PLA2G4A: variants seen among roughly 807,000 people sequenced by gnomAD.
PLA2G4A encodes the protein phospholipase A2 group IVA.
In PLA2G4A, 40 loss-of-function variants were observed where a neutral mutation model predicts 81.9. That is an observed-to-expected ratio of 0.49 (90% CI 0.38 to 0.64). The LOEUF is 0.64. PLA2G4A is among the 30% of genes least tolerant of loss of function. The probability of loss-of-function intolerance (pLI) is 0.00; values close to 1 mark genes in which losing one functional copy is unlikely to be tolerated. For synonymous variants in PLA2G4A, 302 were observed against 296.9 expected (o/e 1.02, Z -0.18); for missense variants, 715 against 905.1 (o/e 0.79, Z 2.69).
intron 2 of PLA2G4A, among the ~76,000 whole-genome samples, chr1:186,857,157 A>AAT (rs1652600298): frequency 1.7e-5 from 1 of 57,678 alleles, no homozygotes; most frequent in African/African-American, 8.5e-5. Flanking sequence ...ATAATTACAT[A>AAT]ATATAATATA....
intron 3 of PLA2G4A, among the ~76,000 whole-genome samples, chr1:186,878,442 G>T (rs17591849): frequency 1.3e-5 from 2 of 150,390 alleles, no homozygotes; most frequent in Non-Finnish European, 3.0e-5. Flanking sequence ...AATGGTTTTG[G>T]AATGTTTTAG....
At chr1:186,876,190 C>T (rs1007975926) in intron 3 of PLA2G4A, among the ~76,000 whole-genome samples, 5 of 151,976 alleles carry the variant, frequency 3.3e-5, no homozygotes, top group African/African-American at 9.7e-5. Flanking sequence ...ATAAGATTCG[C>T]GAAATAACTA....
chr1:186,953,587 CTT>C (rs1164135694), intron 13 of PLA2G4A, among the ~76,000 whole-genome samples: 1 of 152,156 alleles, frequency 6.6e-6, no homozygotes, highest in Non-Finnish European at 1.5e-5. Context: ...GCATTTTCAG[CTT>C]TAGTTTCTTC....
At chr1:186,838,212 A>G (rs1020483524) in intron 1 of PLA2G4A, among the ~76,000 whole-genome samples, 2 of 152,178 alleles carry the variant, frequency 1.3e-5, no homozygotes, top group Admixed American at 6.5e-5. Context: ...CTTCCAGGGT[A>G]TGTTGTTTTT....
At chr1:186,834,462 T>G (rs1651707190) in intron 1 of PLA2G4A, among the ~76,000 whole-genome samples, 1 of 152,230 alleles carries the variant, frequency 6.6e-6, no homozygotes, top group African/African-American at 2.4e-5. Context: ...ATATTTTTAG[T>G]TTTAATGTGT....
chr1:186,936,729 A>C (rs1205159131), intron 8 of PLA2G4A, among the ~76,000 whole-genome samples: 1 of 151,984 alleles, frequency 6.6e-6, no homozygotes, highest in Admixed American at 6.6e-5. Flanking sequence ...ACTGAACATC[A>C]CTTCCTCTCT....
At chr1:186,889,602 G>A (rs1317960466) in intron 3 of PLA2G4A, among the ~76,000 whole-genome samples, 3 of 152,152 alleles carry the variant, frequency 2.0e-5, no homozygotes, top group African/African-American at 7.2e-5. Context: ...AGAACTAGGA[G>A]CAATACTGAA....
At chr1:186,858,841 T>A (rs1652689593) in intron 2 of PLA2G4A, among the ~76,000 whole-genome samples, 1 of 152,086 alleles carries the variant, frequency 6.6e-6, no homozygotes, top group South Asian at 2.1e-4. Flanking sequence ...TGAAGAGATC[T>A]GTGAGCTTTA....
chr1:186,838,427 G>A (rs1332669861), intron 1 of PLA2G4A, among the ~76,000 whole-genome samples: 2 of 152,178 alleles, frequency 1.3e-5, no homozygotes, highest in African/African-American at 2.4e-5. Flanking sequence ...GAATGAGTCT[G>A]TAGAACAGAG....
intron 2 of PLA2G4A, among the ~76,000 whole-genome samples, chr1:186,867,667 C>T (rs1380154777): frequency 6.6e-6 from 1 of 151,986 alleles, no homozygotes; most frequent in Admixed American, 6.6e-5. Flanking sequence ...TTTCTTCATT[C>T]TCAATCTATA....
chr1:186,941,162 T>A (rs1468712533), intron 10 of PLA2G4A, among the ~76,000 whole-genome samples: 3 of 150,924 alleles, frequency 2.0e-5, no homozygotes, highest in African/African-American at 7.3e-5. Context: ...GGGGGGCCTC[T>A]GTCAGTGTTA....
Position 186,937,253 on chromosome 1 carries a change from A to AAG in PLA2G4A, c.696-1731_696-1730dup, listed in dbSNP as rs58594192. ...AGCCAACTGCTTCATGAGACGGGAA[A>AAG]AGAGAGAGAGAGAGAGAGAGAGAGA... On this transcript the variant is annotated intron_variant, in intron 8 of 17. Transcript: ENST00000367466. 7.1e-3 allele frequency among the ~76,000 whole-genome samples: 1,066 copies of AAG among 149,336 alleles called. 4 individuals carry two copies. The highest frequency in any genetic ancestry group is 0.011 in the African/African-American group (435 of 40,928).
At chr1:186,869,252 T>A (rs916394545) in intron 2 of PLA2G4A, among the ~76,000 whole-genome samples, 8 of 152,162 alleles carry the variant, frequency 5.3e-5, no homozygotes, top group Admixed American at 3.3e-4. Context: ...GTTTCAAATA[T>A]TCTTATGATT....
intron 3 of PLA2G4A, among the ~76,000 whole-genome samples, chr1:186,890,543 G>GT (rs77028410): frequency 0.44 from 66,311 of 151,960 alleles, 15,014 homozygotes; most frequent in African/African-American, 0.54. Flanking sequence ...ATTCAAGTGG[G>GT]TATTTATGTG....
At chr1:186,984,359 T>A (rs1348106071) in intron 17 of PLA2G4A, among the ~76,000 whole-genome samples, 1 of 152,194 alleles carries the variant, frequency 6.6e-6, no homozygotes, top group Non-Finnish European at 1.5e-5. Context: ...TAATTTGCTA[T>A]CACAGGAAAA....
chr1:186,913,741 CATAA>C (rs1210417525), intron 7 of PLA2G4A, among the ~76,000 whole-genome samples: 1 of 152,038 alleles, frequency 6.6e-6, no homozygotes, highest in East Asian at 1.9e-4. Flanking sequence ...AAAATAATTT[CATAA>C]ATAAATTAAT....
chr1:186,891,512 C>T (rs540977161), intron 3 of PLA2G4A, among the ~76,000 whole-genome samples: 30 of 152,042 alleles, frequency 2.0e-4, no homozygotes, highest in Non-Finnish European at 3.7e-4. Context: ...ATGGGTTCAA[C>T]TGTTTTGATT....
chr1:186,906,813 G>A (rs1249615748), intron 5 of PLA2G4A, 152 bp from the exon 6 acceptor site: 1 of 551,092 alleles, frequency 1.8e-6, no homozygotes, highest in East Asian at 3.0e-5. Flanking sequence ...CTGTAGTTTA[G>A]GGTCTTCATG....
At chr1:186,885,671 A>C (rs992829374) in intron 3 of PLA2G4A, among the ~76,000 whole-genome samples, 19 of 152,178 alleles carry the variant, frequency 1.2e-4, no homozygotes, top group African/African-American at 4.6e-4. Flanking sequence ...TATGTTCAAG[A>C]AAATAGATGC....
Sources: allele counts gnomAD v4.1 joint callset (sites outside exome capture counted in the v4.1 genomes callset), GRCh38; gene constraint gnomAD v4.1.1; transcripts MANE v1.5; gene names NCBI Gene and HGNC (gene_info 2026-07-23, HGNC 2026-07-21).